SMURF2: variants seen among roughly 807,000 people sequenced by gnomAD.
The protein encoded by SMURF2 is E3 ubiquitin-protein ligase SMURF2.
SMURF2 carries 48 observed loss-of-function variants against 109.6 expected under a neutral mutation model. The observed-to-expected ratio is 0.44, with a 90% CI of 0.35 to 0.56. SMURF2 has a LOEUF of 0.56. SMURF2 is among the 20% of genes least tolerant of loss of function. The pLI is 0.01. For missense variants in SMURF2, 575 were observed against 909.0 expected, an observed-to-expected ratio of 0.63 and a Z score of 4.72; for synonymous variants, 288 against 317.1, an observed-to-expected ratio of 0.91 and a Z score of 0.97.
chr17:64,599,105 GCAAA>G (rs782307299), intron 2 of SMURF2, among the ~76,000 whole-genome samples: 14 of 152,108 alleles, frequency 9.2e-5, no homozygotes, highest in Non-Finnish European at 2.1e-4. Context: ...TGATTGTAAC[GCAAA>G]CACTTATATC....
At chr17:64,561,711 A>G in intron 11 of SMURF2, 108 bp from the exon 12 acceptor site, 1 of 802,930 alleles carries the variant, frequency 1.2e-6, no homozygotes, top group South Asian at 1.8e-5. Flanking sequence ...ATAAGGTGAA[A>G]TTTGGCCAGG....
At position 64,614,964 on chromosome 17, in the gene SMURF2, G is replaced by A. The variant is rs141286198; in HGVS notation, c.53-8324C>T. 7.2e-5 allele frequency among the ~76,000 whole-genome samples: 11 copies of A among 152,316 alleles called. No individual in the cohort carries two copies. In the East Asian group the frequency reaches 2.1e-3, roughly 29 times the overall value. The stretch of plus-strand genomic sequence containing the variant: ...AGGCAGCGATTAGAGAAAACCATTT[G>A]CAGAAGTACAGATGGCAGTAAATAC... On this transcript the variant is annotated intron_variant, in intron 1 of 18. Transcript: ENST00000262435.
At chr17:64,644,687 G>A (rs1048350860) in intron 1 of SMURF2, among the ~76,000 whole-genome samples, 9 of 151,894 alleles carry the variant, frequency 5.9e-5, no homozygotes, top group African/African-American at 9.7e-5. Flanking sequence ...TGAGACGGGC[G>A]GATCACCTAA....
chr17:64,573,077 C>A (rs184969740), intron 9 of SMURF2: 139 of 143,718 alleles, frequency 9.7e-4, no homozygotes, highest in African/African-American at 3.5e-3. Context: ...CAAACTCAAG[C>A]ATCTAGATAG....
At chr17:64,617,406 T>C (rs1384633862) in intron 1 of SMURF2, among the ~76,000 whole-genome samples, 2 of 152,122 alleles carry the variant, frequency 1.3e-5, no homozygotes, top group Non-Finnish European at 2.9e-5. Flanking sequence ...AAGATACAGG[T>C]TCTGAGGTAA....
chr17:64,567,771 C>A lies in SMURF2; in HGVS notation c.1016+4027G>T, dbSNP rs187581872. On this transcript the variant is annotated intron_variant, in intron 10 of 18. Transcript: ENST00000262435. ...GATCTTGGCTCACTGCAACCTCCAC[C>A]TCCCAGGTTCAAGCAATTCTCCTGC... 4.2e-3 allele frequency among the ~76,000 whole-genome samples: 638 copies of A among 152,150 alleles called. 11 individuals are homozygous for A. Among genetic ancestry groups the A allele is most frequent in the Non-Finnish European group, 4.6e-3 (316 of 67,998 alleles).
In SMURF2 at chr17:64,571,960, C is replaced by A. The variant is rs536814155; in HGVS notation, c.858-4G>T. ...ACAATTGATGTTGCTAAGATCCCTGCAAAAACAAATATAAAATAAAAAATA... is the reference window on the plus strand; with the variant it reads ...ACAATTGATGTTGCTAAGATCCCTGAAAAAACAAATATAAAATAAAAAATA... On this transcript the variant is annotated splice_polypyrimidine_tract_variant and splice_region_variant and intron_variant, in intron 9 of 18. Coordinates refer to ENST00000262435, the MANE Select transcript of SMURF2 (RefSeq NM_022739.4). 4.4e-5 allele frequency: 71 copies of A among 1,598,600 alleles called. No homozygotes were observed. In the South Asian group the frequency reaches 8.1e-4, roughly 18 times the overall value.
chr17:64,572,824 TA>T (rs1969417091), intron 9 of SMURF2: 1 of 152,050 alleles, frequency 6.6e-6, no homozygotes, highest in Non-Finnish European at 1.5e-5. Context: ...AAACTGGCAA[TA>T]GAACTGCAAA....
At chr17:64,606,698 G>C in intron 1 of SMURF2, 58 bp from the exon 2 acceptor site, 1 of 1,258,666 alleles carries the variant, frequency 7.9e-7, no homozygotes, top group Non-Finnish European at 1.1e-6. Flanking sequence ...AGAGTGTACT[G>C]TTACATTTTA....
At chr17:64,570,291 T>C (rs1453259249) in intron 10 of SMURF2, among the ~76,000 whole-genome samples, 3 of 152,220 alleles carry the variant, frequency 2.0e-5, no homozygotes, top group African/African-American at 7.2e-5. Context: ...AACAAATGAA[T>C]AAGACAGAGC....
chr17:64,587,288 C>T (rs1969677875), intron 5 of SMURF2, among the ~76,000 whole-genome samples: 1 of 152,142 alleles, frequency 6.6e-6, no homozygotes, highest in African/African-American at 2.4e-5. Context: ...TAACAGGACA[C>T]CATTATCCAG....
At chr17:64,651,438 GGC>G (rs1225402341) in intron 1 of SMURF2, among the ~76,000 whole-genome samples, 13 of 150,696 alleles carry the variant, frequency 8.6e-5, no homozygotes, top group Non-Finnish European at 1.9e-4. Flanking sequence ...CGGGCATGGT[GGC>G]GCGCGCCTGT....
chr17:64,622,307 T>C (rs1555690737), intron 1 of SMURF2, among the ~76,000 whole-genome samples: 3 of 152,094 alleles, frequency 2.0e-5, no homozygotes, highest in Non-Finnish European at 4.4e-5. Flanking sequence ...CATCTAACAT[T>C]AATATGGGAC....
At chr17:64,550,420 G>T (rs986010639) in intron 16 of SMURF2, among the ~76,000 whole-genome samples, 38 of 152,126 alleles carry the variant, frequency 2.5e-4, no homozygotes, top group African/African-American at 9.2e-4. Context: ...AAAACCTGGG[G>T]TGTTTAAGGG....
intron 4 of SMURF2, among the ~76,000 whole-genome samples, chr17:64,591,526 AT>A (rs1197688483): frequency 2.6e-5 from 4 of 152,178 alleles, no homozygotes; most frequent in Non-Finnish European, 4.4e-5. Context: ...TGTCATTATC[AT>A]TTTTTAACTA....
At chr17:64,569,198 G>A (rs951611959) in intron 10 of SMURF2, among the ~76,000 whole-genome samples, 1 of 151,932 alleles carries the variant, frequency 6.6e-6, no homozygotes, top group Admixed American at 6.6e-5. Context: ...TAACTTGGAA[G>A]GCTGAGGCAG....
At chr17:64,639,725 T>C (rs1462429225) in intron 1 of SMURF2, among the ~76,000 whole-genome samples, 5 of 152,168 alleles carry the variant, frequency 3.3e-5, no homozygotes, top group Non-Finnish European at 7.3e-5. Context: ...TTTTCTCACC[T>C]AAAATGGGGA....
intron 2 of SMURF2, among the ~76,000 whole-genome samples, chr17:64,601,592 G>A (rs1389466936): frequency 4.6e-5 from 7 of 152,062 alleles, no homozygotes; most frequent in African/African-American, 1.2e-4. Context: ...ACTTTTACAC[G>A]GCTGGTAGTA....
intron 2 of SMURF2, among the ~76,000 whole-genome samples, chr17:64,599,950 T>C (rs1358969398): frequency 4.6e-5 from 7 of 152,128 alleles, no homozygotes; most frequent in Non-Finnish European, 1.0e-4. Context: ...GTAAATACTA[T>C]TGGAAATATG....
Sources: gnomAD v4.1 joint callset for allele counts (sites outside exome capture counted in the v4.1 genomes callset) on GRCh38, gnomAD v4.1.1 for gene constraint, MANE v1.5 for transcripts, NCBI Gene and HGNC (gene_info 2026-07-23, HGNC 2026-07-21) for gene names.